DIAPH2: variants seen among roughly 807,000 people sequenced by gnomAD.
The protein encoded by DIAPH2 is protein diaphanous homolog 2.
Under a neutral mutation model 92.7 loss-of-function variants are expected in DIAPH2, and 35 were observed. The observed-to-expected ratio is 0.38, with a 90% CI of 0.29 to 0.50. The LOEUF (loss-of-function observed/expected upper bound fraction) is 0.50, where lower values mean the gene tolerates loss of function less well. Ranked by LOEUF, DIAPH2 falls within the 20% of genes least tolerant of loss-of-function variation. The probability of loss-of-function intolerance (pLI) is 0.94; values close to 1 mark genes in which losing one functional copy is unlikely to be tolerated. For missense variants in DIAPH2, 701 were observed against 819.5 expected, an observed-to-expected ratio of 0.86 and a Z score of 1.77; for synonymous variants, 301 against 280.4, an observed-to-expected ratio of 1.07 and a Z score of -0.73.
At chrX:97,255,137 T>G (rs1054897931) in intron 23 of DIAPH2, among the ~76,000 whole-genome samples, 2 of 111,995 alleles carry the variant, frequency 1.8e-5, no homozygotes, top group Non-Finnish European at 3.8e-5. Flanking sequence ...AACCTTGTGC[T>G]TCTAACCATG....
chrX:96,813,222 A>G (rs2064700494), intron 4 of DIAPH2, among the ~76,000 whole-genome samples: 1 of 111,586 alleles, frequency 9.0e-6, no homozygotes, highest in Non-Finnish European at 1.9e-5. Context: ...GGGCGCATAT[A>G]TATTTAGGAT....
chrX:96,813,113 CA>C (rs1012206261), intron 4 of DIAPH2, among the ~76,000 whole-genome samples: 2 of 111,240 alleles, frequency 1.8e-5, no homozygotes, highest in South Asian at 3.8e-4. Flanking sequence ...CTAATGTTGA[CA>C]GGGGGGTGTT....
chrX:97,414,899 C>T (rs1408928803), intron 25 of DIAPH2, among the ~76,000 whole-genome samples: 4 of 111,097 alleles, frequency 3.6e-5, no homozygotes, highest in Non-Finnish European at 7.5e-5. Flanking sequence ...CAAAAGAAAC[C>T]ACCATCAGAG....
At chrX:97,310,391 T>A (rs1273491270) in intron 23 of DIAPH2, among the ~76,000 whole-genome samples, 1 of 111,904 alleles carries the variant, frequency 8.9e-6, no homozygotes, top group Non-Finnish European at 1.9e-5. Context: ...TCAAAGGCGA[T>A]AAATGCCATA....
At chrX:97,515,180 C>T (rs1309033549) in intron 26 of DIAPH2, among the ~76,000 whole-genome samples, 1 of 112,593 alleles carries the variant, frequency 8.9e-6, no homozygotes, top group African/African-American at 3.2e-5. Context: ...GGCGTAGGAC[C>T]CTCCGAGCCA....
At chrX:97,590,643 C>T (rs534674138) in intron 26 of DIAPH2, among the ~76,000 whole-genome samples, 41 of 112,091 alleles carry the variant, frequency 3.7e-4, no homozygotes, top group Middle Eastern at 9.1e-3. Flanking sequence ...GCCACCATGC[C>T]GTTTAACAGC....
intron 4 of DIAPH2, among the ~76,000 whole-genome samples, chrX:96,834,905 A>G (rs1181102171): frequency 8.9e-6 from 1 of 112,090 alleles, no homozygotes; most frequent in African/African-American, 3.2e-5. Flanking sequence ...GTGTTGAGCC[A>G]TGAGTGCTCA....
chrX:97,324,006 T>G (rs965597329), intron 23 of DIAPH2, among the ~76,000 whole-genome samples: 1 of 111,717 alleles, frequency 9.0e-6, no homozygotes, highest in Admixed American at 9.6e-5. Flanking sequence ...TGGCTCTTAT[T>G]TGTGTACTCA....
intron 26 of DIAPH2, among the ~76,000 whole-genome samples, chrX:97,518,302 T>C (rs994811754): frequency 1.8e-5 from 2 of 111,433 alleles, no homozygotes; most frequent in African/African-American, 6.5e-5. Context: ...ATATTTCTCA[T>C]ATAGATCCAA....
intron 1 of DIAPH2, among the ~76,000 whole-genome samples, chrX:96,734,293 A>G (rs2064073967): frequency 8.9e-6 from 1 of 112,214 alleles, no homozygotes. Context: ...AAGAGAAGGA[A>G]AGCAGTAGTT....
At chrX:97,517,108 T>A (rs954963021) in intron 26 of DIAPH2, among the ~76,000 whole-genome samples, 1 of 111,409 alleles carries the variant, frequency 9.0e-6, no homozygotes, top group African/African-American at 3.3e-5. Context: ...ACCTCACAGG[T>A]TTTTTTCGAG....
chrX:97,439,370 C>G, intron 26 of DIAPH2, among the ~76,000 whole-genome samples: 1 of 110,494 alleles, frequency 9.1e-6, no homozygotes, highest in Middle Eastern at 4.7e-3. Flanking sequence ...GTCAGGAGTT[C>G]GAGACCAGCC....
At chrX:96,961,380 A>T (rs1181386133) in intron 16 of DIAPH2, among the ~76,000 whole-genome samples, 3 of 92,086 alleles carry the variant, frequency 3.3e-5, no homozygotes, top group Non-Finnish European at 4.3e-5. Flanking sequence ...TCCATTTCTG[A>T]TTCTGTTTAT....
intron 26 of DIAPH2, among the ~76,000 whole-genome samples, chrX:97,483,392 G>T (rs1245434088): frequency 1.2e-5 from 1 of 84,577 alleles, no homozygotes; most frequent in Admixed American, 1.4e-4. Flanking sequence ...CCAGTTGAAG[G>T]GGGCAAAAGA....
intron 5 of DIAPH2, among the ~76,000 whole-genome samples, chrX:96,888,066 C>G (rs182936885): frequency 9.8e-6 from 1 of 102,009 alleles, no homozygotes; most frequent in Non-Finnish European, 2.0e-5. Flanking sequence ...TTCTCTCTCT[C>G]TTTTTTTTTT....
At chrX:97,305,907 T>A (rs2068743355) in intron 23 of DIAPH2, among the ~76,000 whole-genome samples, 1 of 109,892 alleles carries the variant, frequency 9.1e-6, no homozygotes, top group African/African-American at 3.3e-5. Flanking sequence ...GCAGTTCAGC[T>A]GGTTGTGCTG....
rs57799375 is a variant in DIAPH2 at position 97,137,270 on chromosome X, C to CATATATATATATATATAT, written c.2590-4380_2590-4363dup. 2.1e-3 allele frequency among the ~76,000 whole-genome samples: 145 copies of CATATATATATATATATAT among 68,221 alleles called. 4 individuals carry two copies. Among genetic ancestry groups the CATATATATATATATATAT allele is most frequent in the African/African-American group, 5.4e-3 (86 of 15,983 alleles). 59.2% of individuals were successfully genotyped at this position (68,221 alleles called of 115,157 possible). A position where few individuals can be genotyped will look rare whatever the true frequency, so the allele number is the denominator to read the frequency against. On this transcript the variant is annotated intron_variant, in intron 21 of 26. Transcript: ENST00000324765. ...GGGGTCATATATAAACGCAGTTATA[C>CATATATATATATATATAT]ATATATATATATATATATATATATA... is the stretch of plus-strand genomic sequence containing the variant.
At chrX:97,155,229 C>T (rs916843998) in intron 22 of DIAPH2, among the ~76,000 whole-genome samples, 2 of 111,879 alleles carry the variant, frequency 1.8e-5, no homozygotes, top group African/African-American at 6.5e-5. Flanking sequence ...ATAGGCCGGG[C>T]TTGGTGGCTC....
rs780887740 is a variant in DIAPH2 at position 97,420,278 on chromosome X, T to C, written c.3146-9372T>C. On this transcript the variant is annotated intron_variant, in intron 25 of 26. Coordinates refer to ENST00000324765, the MANE Select transcript of DIAPH2 (RefSeq NM_006729.5). ...AAATAACAAGCTTCTCTTTAAGATA[T>C]ACATACATTAGGGAAAGTTAACTCA... Among the ~76,000 whole-genome samples the C allele has an allele frequency of 4.5e-5, 5 of 111,743 alleles. No homozygotes were observed. The South Asian group carries it at 1.5e-3, about 34-fold the overall frequency.
Sources: allele counts gnomAD v4.1 joint callset (sites outside exome capture counted in the v4.1 genomes callset), GRCh38; gene constraint gnomAD v4.1.1; transcripts MANE v1.5; gene names NCBI Gene and HGNC (gene_info 2026-07-23, HGNC 2026-07-21).